The following SPAG1 variants were observed in gnomAD, a reference collection of about 807,000 sequenced individuals.
The protein encoded by SPAG1 is sperm-associated antigen 1.
In SPAG1, 69 loss-of-function variants were observed where a neutral mutation model predicts 100.5. That is an observed-to-expected ratio of 0.69 (90% CI 0.57 to 0.84). The LOEUF (loss-of-function observed/expected upper bound fraction) is 0.84. Ranked by LOEUF, SPAG1 falls within the 40% of genes least tolerant of loss-of-function variation. SPAG1 has a pLI of 0.00. For missense variants in SPAG1, 955 were observed against 1,133.1 expected, an observed-to-expected ratio of 0.84 and a Z score of 2.26; for synonymous variants, 336 against 411.6, an observed-to-expected ratio of 0.82 and a Z score of 2.22.
At chr8:100,191,254 A>C (rs2132280253) in intron 8 of SPAG1, 136 bp from the exon 9 acceptor site, 1 of 590,548 alleles carries the variant, frequency 1.7e-6, no homozygotes, top group East Asian at 2.9e-5. Context: ...TATCAACATG[A>C]AAAAGGGTGT....
intron 3 of SPAG1, among the ~76,000 whole-genome samples, chr8:100,172,050 G>A (rs1013355621): frequency 6.6e-6 from 1 of 151,572 alleles, no homozygotes; most frequent in Non-Finnish European, 1.5e-5. Flanking sequence ...ACGTGCCACC[G>A]CGCCCAGCTA....
rs1480702515 is a variant in SPAG1, at chr8:100,200,780, T to A, written c.1096+6512T>A. ...GTGTCTGTTCATATCCTTTGCCCAC[T>A]TTTTGATGGGGTTGTTTGTTTTTTT... On this transcript the variant is annotated intron_variant, in intron 10 of 18. Transcript: ENST00000388798. 2.1e-5 allele frequency among the ~76,000 whole-genome samples: 3 copies of A among 140,048 alleles called. No individual in the cohort carries two copies. In the East Asian group the frequency reaches 7.1e-4, roughly 33 times the overall value. The allele number at this position is 140,048 out of a possible 152,430, so 91.9% of individuals were successfully genotyped here.
At chr8:100,216,836 T>C (rs1327696095) in intron 12 of SPAG1, among the ~76,000 whole-genome samples, 1 of 152,184 alleles carries the variant, frequency 6.6e-6, no homozygotes, top group African/African-American at 2.4e-5. Flanking sequence ...TTCAAACAGA[T>C]TGCATACATG....
chr8:100,181,503 T>C (rs1816364977), intron 4 of SPAG1, among the ~76,000 whole-genome samples: 1 of 152,224 alleles, frequency 6.6e-6, no homozygotes, highest in Admixed American at 6.5e-5. Context: ...AGGAAGTGGT[T>C]GGCATAAAAC....
chr8:100,236,585 C>G (rs1446633433), intron 16 of SPAG1, among the ~76,000 whole-genome samples: 1 of 152,188 alleles, frequency 6.6e-6, no homozygotes, highest in Non-Finnish European at 1.5e-5. Context: ...GCTCCCAGCT[C>G]AACTCTATGT....
chr8:100,238,636 A>G (rs1350000205), intron 16 of SPAG1, among the ~76,000 whole-genome samples: 1 of 152,168 alleles, frequency 6.6e-6, no homozygotes, highest in Non-Finnish European at 1.5e-5. Flanking sequence ...TCTTCAGTGT[A>G]TTGTGTGACT....
rs111697322 is a variant in SPAG1 at position 100,168,805 on chromosome 8, A to G, written c.300+2832A>G. Among the ~76,000 whole-genome samples, 716 of 151,308 alleles carry G rather than the reference A, an allele frequency of 4.7e-3. 8 individuals carry two copies. The highest frequency in any genetic ancestry group is 0.017 in the African/African-American group (699 of 41,174). On this transcript the variant is annotated intron_variant, in intron 3 of 18. Coordinates refer to ENST00000388798, the MANE Select transcript of SPAG1 (RefSeq NM_003114.5). ...CAGGTTCAAGCAGTTCTCCTGCCTCAGCCTTCTGAGTAGCTGGGATTACAG... is the reference window on the plus strand; with the variant it reads ...CAGGTTCAAGCAGTTCTCCTGCCTCGGCCTTCTGAGTAGCTGGGATTACAG...
intron 10 of SPAG1, among the ~76,000 whole-genome samples, chr8:100,207,804 A>G (rs187393866): frequency 6.6e-6 from 1 of 152,300 alleles, no homozygotes; most frequent in African/African-American, 2.4e-5. Context: ...GCTCATACTC[A>G]TGGAATTCAC....
intron 10 of SPAG1, among the ~76,000 whole-genome samples, chr8:100,202,641 C>T (rs934296168): frequency 1.6e-4 from 20 of 125,840 alleles, no homozygotes; most frequent in Non-Finnish European, 2.8e-4. Flanking sequence ...ACCCGGGAGG[C>T]GGAGCTTGCA....
rs761617724 is a variant in SPAG1, at chr8:100,213,300, C to T, written c.1307C>T (p.Pro436Leu). Residue 436 changes from proline (P) to leucine (L), a missense_variant, in exon 11 of 19, where the codon CCG (proline) becomes CTG (leucine). Pro to Leu is a moderately conservative substitution (Grantham distance 98, BLOSUM62 -3). Transcript: ENST00000388798. ...AAAGGGATGHPGGGQGAENPA... is the reference protein window; with the variant it reads ...AAAGGGATGHLGGGQGAENPA... ...GCGGGCGGCGGCGCCACCGGGCATC[C>T]GGGCGGCGGGCAGGGCGCGGAGAAC... is the stretch of plus-strand genomic sequence containing the variant. The T allele has an allele frequency of 1.3e-3, 1,636 of 1,232,072 alleles. 5 individuals carry two copies. The highest frequency in any genetic ancestry group is 1.5e-3 in the Non-Finnish European group (1,473 of 989,216). 76.3% of individuals were successfully genotyped at this position (1,232,072 alleles called of 1,614,324 possible). A position where few individuals can be genotyped will look rare whatever the true frequency, so the allele number is the denominator to read the frequency against.
At chr8:100,179,923 A>T (rs950384583) in intron 4 of SPAG1, among the ~76,000 whole-genome samples, 2 of 152,190 alleles carry the variant, frequency 1.3e-5, no homozygotes, top group Admixed American at 6.5e-5. Context: ...CATTATTCAG[A>T]CTTAGGATTT....
rs922000962 is a variant in SPAG1 at position 100,173,182 on chromosome 8, G to A, written c.301-4634G>A. On this transcript the variant is annotated intron_variant, in intron 3 of 18. Transcript: ENST00000388798. ...TTCTCCCAAGTAGCTGGGATTACAGGCATTCACCACCACACTCAGCTAATT... is the reference window on the plus strand; with the variant it reads ...TTCTCCCAAGTAGCTGGGATTACAGACATTCACCACCACACTCAGCTAATT... 2.6e-5 allele frequency among the ~76,000 whole-genome samples: 4 copies of A among 151,670 alleles called. No homozygotes were observed. The East Asian group carries it at 5.8e-4, about 22-fold the overall frequency.
chr8:100,211,413 T>C (rs1433716614), intron 10 of SPAG1, among the ~76,000 whole-genome samples: 1 of 152,208 alleles, frequency 6.6e-6, no homozygotes, highest in African/African-American at 2.4e-5. Flanking sequence ...CCCAGGACTT[T>C]GGAAGGCCAA....
rs1327292156 is a variant in SPAG1, at chr8:100,225,340, G to A, written c.1855+1G>A. 1 of 1,612,576 alleles carries A rather than the reference G, an allele frequency of 6.2e-7. No individual in the cohort carries two copies. Among genetic ancestry groups the A allele is most frequent in the East Asian group, 2.2e-5 (1 of 44,876 alleles). On this transcript the variant is annotated splice_donor_variant, in intron 14 of 18. Coordinates refer to ENST00000388798, the MANE Select transcript of SPAG1 (RefSeq NM_003114.5). LOFTEE classifies it high-confidence loss of function. ...AGCCATCGCCAGCAGGGCATCACAGGTGGGGGATGCCTGCACTCATTTCTT... is the reference window on the plus strand; with the variant it reads ...AGCCATCGCCAGCAGGGCATCACAGATGGGGGATGCCTGCACTCATTTCTT...
Position 100,180,052 on chromosome 8 carries a change from AGGCGGGCAGTGGCTCATGCCT to A in SPAG1, c.426+2113_426+2133del, listed in dbSNP as rs554583610. ...TCAAGTGCAAATTAGGTCCAGGCACAGGCGGGCAGTGGCTCATGCCTGTAATTCCAGCACTTTGGGAGGCCA... is the reference window on the plus strand; with the variant it reads ...TCAAGTGCAAATTAGGTCCAGGCACAGTAATTCCAGCACTTTGGGAGGCCA... On this transcript the variant is annotated intron_variant, in intron 4 of 18. Coordinates refer to ENST00000388798, the MANE Select transcript of SPAG1 (RefSeq NM_003114.5). Among the ~76,000 whole-genome samples, 91 of 152,368 alleles carry A rather than the reference AGGCGGGCAGTGGCTCATGCCT, an allele frequency of 6.0e-4. No individual in the cohort carries two copies. The Middle Eastern group carries it at 0.014, about 23-fold the overall frequency.
Position 100,213,297 on chromosome 8 carries a change from A to C in SPAG1, c.1304A>C (p.His435Pro). 7.4e-6 allele frequency: 9 copies of C among 1,218,416 alleles called. No individual in the cohort carries two copies. Among genetic ancestry groups the C allele is most frequent in the East Asian group, 6.7e-5 (2 of 29,882 alleles). The allele number at this position is 1,218,416 out of a possible 1,614,324, so 75.5% of individuals were successfully genotyped here. A position where few individuals can be genotyped will look rare whatever the true frequency, so the allele number is the denominator to read the frequency against. The change falls in exon 11 of 19, where the codon CAT becomes CCT. Residue 435 changes from histidine (H) to proline (P), a missense_variant. His to Pro is a moderately conservative substitution (Grantham distance 77). Coordinates refer to ENST00000388798, the MANE Select transcript of SPAG1 (RefSeq NM_003114.5). ...GCGGCGGGCGGCGGCGCCACCGGGC[A>C]TCCGGGCGGCGGGCAGGGCGCGGAG... is the stretch of plus-strand genomic sequence containing the variant. ...AAAAGGGATG[H>P]PGGGQGAENP...
At chr8:100,180,389 T>C (rs1253022877) in intron 4 of SPAG1, among the ~76,000 whole-genome samples, 2 of 152,192 alleles carry the variant, frequency 1.3e-5, no homozygotes, top group Non-Finnish European at 2.9e-5. Flanking sequence ...TAGTATAATA[T>C]AACAATATCT....
chr8:100,160,352 C>T (rs1454029755), intron 1 of SPAG1, among the ~76,000 whole-genome samples: 1 of 152,138 alleles, frequency 6.6e-6, no homozygotes, highest in Non-Finnish European at 1.5e-5. Context: ...CAGGGCACGG[C>T]ACGGTGGCTC....
At position 100,213,373 on chromosome 8, in the gene SPAG1, G is replaced by A; in HGVS notation, c.1380G>A (p.Gln460=). The A allele has an allele frequency of 6.9e-7, 1 of 1,452,334 alleles. No individual in the cohort carries two copies. Among genetic ancestry groups the A allele is most frequent in the Non-Finnish European group, 9.1e-7 (1 of 1,100,918 alleles). 90.0% of individuals were successfully genotyped at this position (1,452,334 alleles called of 1,614,324 possible). A position where few individuals can be genotyped will look rare whatever the true frequency, so the allele number is the denominator to read the frequency against. ...GCAACGAGCTGTTCCGAAGCGGGCA[G>A]TTCGCCGAGGCGGCCGGCAAGTACT... is the stretch of plus-strand genomic sequence containing the variant. ...SQGNELFRSG[Q]FAEAAGKYSA... The change falls in exon 11 of 19, where the codon CAG becomes CAA. Residue 460 remains glutamine (Q), a synonymous_variant. Transcript: ENST00000388798.
Sources: gnomAD v4.1 joint callset for allele counts (sites outside exome capture counted in the v4.1 genomes callset) on GRCh38, gnomAD v4.1.1 for gene constraint, MANE v1.5 for transcripts, NCBI Gene and HGNC (gene_info 2026-07-23, HGNC 2026-07-21) for gene names.